Variants in SORCS1 observed in about 807,000 individuals in gnomAD.
The protein encoded by SORCS1 is sortilin related VPS10 domain containing receptor 1, also known as VPS10 domain-containing receptor SorCS1.
In SORCS1, 60 loss-of-function variants were observed where a neutral mutation model predicts 146.1. The observed-to-expected ratio is 0.41, with a 90% CI of 0.33 to 0.51. The LOEUF (loss-of-function observed/expected upper bound fraction) is 0.51, where lower values mean the gene tolerates loss of function less well. Ranked by LOEUF, SORCS1 falls within the 20% of genes least tolerant of loss-of-function variation. The probability of loss-of-function intolerance (pLI) is 0.21; values close to 1 mark genes in which losing one functional copy is unlikely to be tolerated. For missense variants in SORCS1, 1,352 were observed against 1,487.6 expected, an observed-to-expected ratio of 0.91 and a Z score of 1.50; for synonymous variants, 637 against 584.0, an observed-to-expected ratio of 1.09 and a Z score of -1.31.
At chr10:107,126,670 G>C (rs1202014094) in intron 1 of SORCS1, among the ~76,000 whole-genome samples, 1 of 152,068 alleles carries the variant, frequency 6.6e-6, no homozygotes, top group Non-Finnish European at 1.5e-5. Flanking sequence ...GAAACACTAA[G>C]GAGAGGGGAC....
At chr10:106,603,861 C>T (rs777230392) in intron 23 of SORCS1, among the ~76,000 whole-genome samples, 100 of 152,286 alleles carry the variant, frequency 6.6e-4, no homozygotes, top group Non-Finnish European at 1.2e-3. Context: ...GAATCCATGT[C>T]CTTGTCTAGT....
chr10:107,065,285 G>T (rs1200459159), intron 1 of SORCS1, among the ~76,000 whole-genome samples: 1 of 151,964 alleles, frequency 6.6e-6, no homozygotes, highest in East Asian at 1.9e-4. Flanking sequence ...GCACACACTC[G>T]GTATCCCTAA....
chr10:106,814,685 C>T (rs568395440), intron 3 of SORCS1, among the ~76,000 whole-genome samples: 5 of 152,078 alleles, frequency 3.3e-5, no homozygotes, highest in East Asian at 2.0e-4. Context: ...GAGGCCAAGG[C>T]GGGTGGATCA....
chr10:107,048,004 G>A (rs757485404), intron 1 of SORCS1, among the ~76,000 whole-genome samples: 5 of 152,042 alleles, frequency 3.3e-5, no homozygotes, highest in Non-Finnish European at 7.4e-5. Flanking sequence ...GATCACCTGA[G>A]CCCGCGAAGT....
chr10:107,134,001 G>A (rs562739532), intron 1 of SORCS1, among the ~76,000 whole-genome samples: 17 of 152,276 alleles, frequency 1.1e-4, no homozygotes, highest in Admixed American at 8.5e-4. Flanking sequence ...TGACATTTCT[G>A]TGTGAGTCAG....
intron 5 of SORCS1, among the ~76,000 whole-genome samples, chr10:106,761,359 C>T (rs896696724): frequency 6.6e-6 from 1 of 152,170 alleles, no homozygotes; most frequent in Non-Finnish European, 1.5e-5. Flanking sequence ...TCACTAACCT[C>T]CATAATCCAT....
At position 106,939,277 on chromosome 10, in the gene SORCS1, T is replaced by C. The variant is rs183278756; in HGVS notation, c.626+17236A>G. On this transcript the variant is annotated intron_variant, in intron 2 of 25. Coordinates refer to ENST00000263054, the MANE Select transcript of SORCS1 (RefSeq NM_052918.5). ...CCAAGTCTTCGATTATTTCAAAGGG[T>C]ATACGTTTGGAATAATGCAATGAAT... Among the ~76,000 whole-genome samples the C allele has an allele frequency of 3.3e-5, 5 of 152,304 alleles. No individual in the cohort carries two copies. In the East Asian group the frequency reaches 7.7e-4, roughly 23 times the overall value.
At chr10:106,870,791 G>A (rs1950379503) in intron 2 of SORCS1, among the ~76,000 whole-genome samples, 1 of 152,142 alleles carries the variant, frequency 6.6e-6, no homozygotes, top group Admixed American at 6.6e-5. Context: ...AAGATTGCAT[G>A]ACAAAGACAC....
rs528584198 is a variant in SORCS1, at chr10:106,987,901, A to AT, written c.559-31322dup. ...ACTTGTTCACTTATGTCCTAGGAAGATTTTTCTTTTCTTTTCTGAATTTAT... is the reference window on the plus strand; with the variant it reads ...ACTTGTTCACTTATGTCCTAGGAAGATTTTTTCTTTTCTTTTCTGAATTTAT... On this transcript the variant is annotated intron_variant, in intron 1 of 25. Transcript: ENST00000263054. 2.3e-3 allele frequency among the ~76,000 whole-genome samples: 352 copies of AT among 152,198 alleles called. 5 individuals carry two copies. The highest frequency in any genetic ancestry group is 8.0e-3 in the African/African-American group (331 of 41,522).
chr10:106,754,150 C>T (rs1394017002), intron 5 of SORCS1, among the ~76,000 whole-genome samples: 3 of 152,086 alleles, frequency 2.0e-5, no homozygotes, highest in East Asian at 3.9e-4. Context: ...GATTCTAGCC[C>T]GAGGTCTATC....
chr10:106,903,645 A>G (rs77137319), intron 2 of SORCS1, among the ~76,000 whole-genome samples: 19 of 152,314 alleles, frequency 1.2e-4, no homozygotes, highest in African/African-American at 4.3e-4. Flanking sequence ...TTTGAAGGGA[A>G]AGCAACAAGA....
At chr10:106,640,988 C>T (rs752505146) in intron 18 of SORCS1, among the ~76,000 whole-genome samples, 12 of 151,934 alleles carry the variant, frequency 7.9e-5, no homozygotes, top group East Asian at 1.9e-4. Context: ...TGCTTGTGTG[C>T]GCGTGCATGT....
chr10:107,031,322 T>A (rs1958645558), intron 1 of SORCS1, among the ~76,000 whole-genome samples: 1 of 152,120 alleles, frequency 6.6e-6, no homozygotes, highest in Non-Finnish European at 1.5e-5. Flanking sequence ...TTGCCAGATT[T>A]TTTTTTCCAT....
At chr10:106,864,085 T>G (rs1273850852) in intron 2 of SORCS1, among the ~76,000 whole-genome samples, 1 of 152,180 alleles carries the variant, frequency 6.6e-6, no homozygotes. Context: ...ATTCAATTAT[T>G]AGAAACTTAG....
In SORCS1 at chr10:106,870,162, A is replaced by G. The variant is rs192187633; in HGVS notation, c.627-40489T>C. Among the ~76,000 whole-genome samples the G allele has an allele frequency of 2.8e-4, 42 of 152,296 alleles. 2 individuals are homozygous for G. Among genetic ancestry groups the G allele is most frequent in the African/African-American group, 9.4e-4 (39 of 41,568 alleles). On this transcript the variant is annotated intron_variant, in intron 2 of 25. Coordinates refer to ENST00000263054, the MANE Select transcript of SORCS1 (RefSeq NM_052918.5). ...GTGGTGAAATATTTCTAGAATGAAA[A>G]TTACAAAATACTACTCAAAGAAATC...
At chr10:106,661,866 T>C (rs1850755445) in intron 17 of SORCS1, among the ~76,000 whole-genome samples, 1 of 152,260 alleles carries the variant, frequency 6.6e-6, no homozygotes, top group African/African-American at 2.4e-5. Flanking sequence ...ACCAGCCTCC[T>C]TGCTTTCCAC....
intron 3 of SORCS1, among the ~76,000 whole-genome samples, chr10:106,796,919 C>T (rs1300833215): frequency 6.6e-6 from 1 of 152,254 alleles, no homozygotes; most frequent in South Asian, 2.1e-4. Context: ...ACCATCCTGC[C>T]AACATGGTGA....
At chr10:106,710,059 AC>A (rs1293949101) in intron 6 of SORCS1, among the ~76,000 whole-genome samples, 1 of 152,226 alleles carries the variant, frequency 6.6e-6, no homozygotes, top group African/African-American at 2.4e-5. Context: ...AGGAAAACAC[AC>A]ATACATCTAA....
At chr10:107,112,992 C>A (rs1718472806) in intron 1 of SORCS1, among the ~76,000 whole-genome samples, 1 of 152,132 alleles carries the variant, frequency 6.6e-6, no homozygotes, top group Non-Finnish European at 1.5e-5. Flanking sequence ...TTGAACAACA[C>A]TATAAAACAA....
Sources: allele counts gnomAD v4.1 joint callset (sites outside exome capture counted in the v4.1 genomes callset), GRCh38; gene constraint gnomAD v4.1.1; transcripts MANE v1.5; gene names NCBI Gene and HGNC (gene_info 2026-07-23, HGNC 2026-07-21).